The following PTPRD variants were observed in gnomAD, a reference collection of about 807,000 sequenced individuals.
PTPRD encodes protein tyrosine phosphatase receptor type D.
PTPRD carries 34 observed loss-of-function variants against 214.5 expected under a neutral mutation model. That is an observed-to-expected ratio of 0.16 (90% CI 0.12 to 0.21). The LOEUF (loss-of-function observed/expected upper bound fraction) is 0.21. Ranked by LOEUF, PTPRD falls within the 10% of genes least tolerant of loss-of-function variation. PTPRD has a pLI of 1.00. For synonymous variants in PTPRD, 1,128 were observed against 845.7 expected (o/e 1.33, Z -5.79); for missense variants, 2,545 against 2,398.7 (o/e 1.06, Z -1.27).
At chr9:10,126,669 T>C (rs930992148) in intron 3 of PTPRD, among the ~76,000 whole-genome samples, 3 of 152,166 alleles carry the variant, frequency 2.0e-5, no homozygotes, top group Non-Finnish European at 2.9e-5. Flanking sequence ...TTTTCTTTTT[T>C]ATAACATGTT....
At chr9:10,578,159 C>T (rs1023039265) in intron 2 of PTPRD, among the ~76,000 whole-genome samples, 1 of 152,032 alleles carries the variant, frequency 6.6e-6, no homozygotes, top group South Asian at 2.1e-4. Context: ...ATCCACCTGC[C>T]TCGGCCTCCC....
At chr9:8,694,167 G>C (rs2097861351) in intron 12 of PTPRD, among the ~76,000 whole-genome samples, 1 of 152,110 alleles carries the variant, frequency 6.6e-6, no homozygotes, top group South Asian at 2.1e-4. Flanking sequence ...TAAATGCAGA[G>C]CTAATAAATT....
At chr9:9,827,005 G>A (rs933573997) in intron 5 of PTPRD, among the ~76,000 whole-genome samples, 2 of 152,016 alleles carry the variant, frequency 1.3e-5, no homozygotes, top group African/African-American at 4.8e-5. Context: ...AATAAATGAG[G>A]ATACAAACAA....
At chr9:10,553,652 G>C (rs995214698) in intron 2 of PTPRD, among the ~76,000 whole-genome samples, 1 of 152,016 alleles carries the variant, frequency 6.6e-6, no homozygotes, top group Non-Finnish European at 1.5e-5. Context: ...TTTCTAAAGT[G>C]GCATGTATAA....
At chr9:9,791,989 T>C (rs1396552666) in intron 5 of PTPRD, among the ~76,000 whole-genome samples, 1 of 152,200 alleles carries the variant, frequency 6.6e-6, no homozygotes, top group Non-Finnish European at 1.5e-5. Flanking sequence ...TAGAGTTCTG[T>C]TGTCCTGAAG....
intron 9 of PTPRD, among the ~76,000 whole-genome samples, chr9:9,271,860 A>C (rs1317406981): frequency 2.0e-5 from 3 of 151,416 alleles, no homozygotes; most frequent in African/African-American, 7.3e-5. Flanking sequence ...CCAAAAATAA[A>C]AATTATCAAA....
intron 2 of PTPRD, among the ~76,000 whole-genome samples, chr9:10,503,560 G>A (rs544630106): frequency 2.0e-5 from 3 of 152,102 alleles, no homozygotes; most frequent in South Asian, 2.1e-4. Context: ...ATTATTTTGG[G>A]TACTTTATCT....
chr9:9,452,706 G>C (rs10123398), intron 8 of PTPRD, among the ~76,000 whole-genome samples: 11,052 of 150,960 alleles, frequency 0.073, 473 homozygotes, highest in Middle Eastern at 0.11. Flanking sequence ...TTTAGTAAAA[G>C]TTAAAGTCAA....
In PTPRD at chr9:9,853,252, A is replaced by G. The variant is rs139685288; in HGVS notation, c.-368+85255T>C. Among the ~76,000 whole-genome samples, 4 of 152,354 alleles carry G rather than the reference A, an allele frequency of 2.6e-5. No homozygotes were observed. In the East Asian group the frequency reaches 7.7e-4, roughly 29 times the overall value. On this transcript the variant is annotated intron_variant, in intron 5 of 45. Transcript: ENST00000381196. ...AAGCAGCATAGGAGCTATAGACAAC[A>G]TGGAAACAACTGAACATGGGTGTGT...
At chr9:9,320,112 A>G (rs918663454) in intron 9 of PTPRD, among the ~76,000 whole-genome samples, 1 of 152,214 alleles carries the variant, frequency 6.6e-6, no homozygotes, top group Non-Finnish European at 1.5e-5. Flanking sequence ...AATAAAAATC[A>G]ACTCAAATTT....
Position 9,054,197 on chromosome 9 carries a change from A to G in PTPRD, c.-142-35462T>C, listed in dbSNP as rs534136104. Among the ~76,000 whole-genome samples the G allele has an allele frequency of 1.3e-4, 20 of 152,278 alleles. No individual in the cohort carries two copies. In the South Asian group the frequency reaches 3.5e-3, roughly 27 times the overall value. ...TTCTGTTACCATCTCAACCATCTCAATTTTACATAGTGCAAAATTGGGACT... is the reference window on the plus strand; with the variant it reads ...TTCTGTTACCATCTCAACCATCTCAGTTTTACATAGTGCAAAATTGGGACT... On this transcript the variant is annotated intron_variant, in intron 10 of 45. Coordinates refer to ENST00000381196, the MANE Select transcript of PTPRD (RefSeq NM_002839.4).
At chr9:9,075,652 C>T (rs773795694) in intron 10 of PTPRD, among the ~76,000 whole-genome samples, 1 of 152,048 alleles carries the variant, frequency 6.6e-6, no homozygotes, top group Non-Finnish European at 1.5e-5. Flanking sequence ...TGAGTGAGAA[C>T]ATGCGGTGTT....
intron 8 of PTPRD, among the ~76,000 whole-genome samples, chr9:9,568,718 G>A (rs561992130): frequency 2.2e-4 from 33 of 151,862 alleles, no homozygotes; most frequent in African/African-American, 7.7e-4. Flanking sequence ...TAACTTAATG[G>A]GAGGTAGCTC....
At chr9:8,828,532 T>C (rs2097218730) in intron 11 of PTPRD, among the ~76,000 whole-genome samples, 1 of 152,170 alleles carries the variant, frequency 6.6e-6, no homozygotes, top group South Asian at 2.1e-4. Context: ...TAAGCCACCC[T>C]ATCTAGGATA....
intron 36 of PTPRD, among the ~76,000 whole-genome samples, chr9:8,402,048 T>G (rs1292391308): frequency 6.6e-6 from 1 of 152,216 alleles, no homozygotes; most frequent in East Asian, 1.9e-4. Flanking sequence ...TTCTCTTCTG[T>G]GTTTAAGATA....
At chr9:10,445,999 G>A (rs538538249) in intron 2 of PTPRD, among the ~76,000 whole-genome samples, 2 of 152,108 alleles carry the variant, frequency 1.3e-5, no homozygotes, top group Admixed American at 1.3e-4. Context: ...GGGCCCAGTG[G>A]AGAGGGCAAG....
intron 2 of PTPRD, among the ~76,000 whole-genome samples, chr9:10,432,731 A>G (rs1362674694): frequency 1.3e-5 from 2 of 152,022 alleles, no homozygotes; most frequent in African/African-American, 4.8e-5. Flanking sequence ...ATAATGCTAT[A>G]TGAGGTTCTT....
intron 8 of PTPRD, among the ~76,000 whole-genome samples, chr9:9,565,678 A>AT (rs1208017414): frequency 6.6e-6 from 1 of 151,890 alleles, no homozygotes; most frequent in Non-Finnish European, 1.5e-5. Context: ...TCATTTTTAC[A>AT]TTTTTTTGTA....
chr9:9,604,378 G>A (rs553953279), intron 7 of PTPRD, among the ~76,000 whole-genome samples: 66 of 152,066 alleles, frequency 4.3e-4, no homozygotes, highest in Non-Finnish European at 8.0e-4. Flanking sequence ...TTTTGTGAGG[G>A]AAATATTTGG....
Sources: allele counts gnomAD v4.1 joint callset (sites outside exome capture counted in the v4.1 genomes callset), GRCh38; gene constraint gnomAD v4.1.1; transcripts MANE v1.5; gene names NCBI Gene and HGNC (gene_info 2026-07-23, HGNC 2026-07-21).